Variants in GRHL1 observed in about 807,000 individuals in gnomAD.
The protein encoded by GRHL1 is grainyhead-like protein 1 homolog.
GRHL1 carries 38 observed loss-of-function variants against 75.7 expected under a neutral mutation model. The ratio of observed to expected loss-of-function variants is 0.50; its 90% CI spans 0.39 to 0.66. The LOEUF (loss-of-function observed/expected upper bound fraction) is 0.66. Ranked by LOEUF, GRHL1 falls within the 30% of genes least tolerant of loss-of-function variation. The pLI, the probability that GRHL1 is intolerant of heterozygous loss-of-function variation, is 0.00. For missense variants in GRHL1, 589 were observed against 767.5 expected, an observed-to-expected ratio of 0.77 and a Z score of 2.75; for synonymous variants, 266 against 279.4, an observed-to-expected ratio of 0.95 and a Z score of 0.48.
Position 9,951,720 on chromosome 2 carries a change from CG to C in GRHL1, c.-110del. On this transcript the variant is annotated 5_prime_UTR_variant, in exon 1 of 16. Coordinates refer to ENST00000324907, the MANE Select transcript of GRHL1 (RefSeq NM_198182.3). The surrounding 1 kb of genome is among the most constrained non-coding windows in gnomAD (Gnocchi z 4.2). Reference sequence around the variant, plus strand: ...AGCGAGAAAAGCAAACCCAACCCGTCGGGGCCGCCGCTCCGGACCCGCAGCC... The same window carrying C: ...AGCGAGAAAAGCAAACCCAACCCGTCGGGCCGCCGCTCCGGACCCGCAGCC... The C allele has an allele frequency of 1.0e-6, 1 of 995,508 alleles. No individual in the cohort carries two copies. Among genetic ancestry groups the C allele is most frequent in the Admixed American group, 2.7e-5 (1 of 37,512 alleles). The allele number at this position is 995,508 out of a possible 1,614,324, so 61.7% of individuals were successfully genotyped here.
chr2:9,954,760 T>TA (rs1188975337), intron 1 of GRHL1, 155 bp from the exon 2 acceptor site: 11 of 707,588 alleles, frequency 1.6e-5, no homozygotes, highest in Non-Finnish European at 2.3e-5. Context: ...GGTCTGCACT[T>TA]ACGTGGTTTG....
chr2:9,978,189 A>G (rs114497615), intron 8 of GRHL1, among the ~76,000 whole-genome samples: 1,639 of 152,306 alleles, frequency 0.011, 31 homozygotes, highest in African/African-American at 0.037. Context: ...GCCAAACCAT[A>G]TCATCTGTCC....
In GRHL1 at chr2:9,952,516, CTT is replaced by C. The variant is rs147733489; in HGVS notation, c.20+665_20+666del. Among the ~76,000 whole-genome samples, 1,059 of 152,256 alleles carry C rather than the reference CTT, an allele frequency of 7.0e-3. 12 individuals carry two copies. The highest frequency in any genetic ancestry group is 0.024 in the African/African-American group (1,008 of 41,542). On this transcript the variant is annotated intron_variant, in intron 1 of 15. Transcript: ENST00000324907. ...GCTCGAGAGAATCAAGAGGATGAAA[CTT>C]TGAAATCCGGGTGTTAAACGAGAAA...
intron 12 of GRHL1, among the ~76,000 whole-genome samples, chr2:9,993,982 G>T (rs1668750342): frequency 6.6e-6 from 1 of 152,108 alleles, no homozygotes; most frequent in Non-Finnish European, 1.5e-5. Flanking sequence ...CATTTACTTT[G>T]ATGCTCAGGT....
At position 9,968,376 on chromosome 2, in the gene GRHL1, G is replaced by GC. The variant is rs1337694552; in HGVS notation, c.1110+2998dup. 1.3e-5 allele frequency among the ~76,000 whole-genome samples: 2 copies of GC among 152,194 alleles called. No homozygotes were observed. The highest frequency in any genetic ancestry group is 2.9e-5 in the Non-Finnish European group (2 of 68,034). On this transcript the variant is annotated intron_variant, in intron 8 of 15. Transcript: ENST00000324907. The surrounding 1 kb of genome is among the most constrained non-coding windows in gnomAD (Gnocchi z 4.7). ...AAAAGCAGAAATGTCTCAGAAACAG[G>GC]CCCTTAGTGGGATTTGTCTGCTGTG...
At chr2:9,957,773 A>G (rs1667097482) in intron 2 of GRHL1, among the ~76,000 whole-genome samples, 1 of 152,204 alleles carries the variant, frequency 6.6e-6, no homozygotes, top group Non-Finnish European at 1.5e-5. Context: ...GCTGAAAGCC[A>G]TTTTTAAGCA....
At chr2:9,991,631 AT>A (rs1241743393) in intron 10 of GRHL1, among the ~76,000 whole-genome samples, 1 of 152,222 alleles carries the variant, frequency 6.6e-6, no homozygotes, top group Non-Finnish European at 1.5e-5. Context: ...TGGAATGTAA[AT>A]TATTTAATGA....
rs1005648540 is a variant in GRHL1 at position 10,000,784 on chromosome 2, C to T, written c.*77C>T. 1.2e-5 allele frequency: 9 copies of T among 778,812 alleles called. No individual in the cohort carries two copies. The highest frequency in any genetic ancestry group is 5.1e-5 in the African/African-American group (3 of 58,432). 48.2% of individuals were successfully genotyped at this position (778,812 alleles called of 1,614,324 possible). The stretch of plus-strand genomic sequence containing the variant: ...TTACGGTTTGGCAACTGCAGGTAAC[C>T]CCAGTCAGCCATGTCGCCAGCACAG... On this transcript the variant is annotated 3_prime_UTR_variant, in exon 16 of 16. Coordinates refer to ENST00000324907, the MANE Select transcript of GRHL1 (RefSeq NM_198182.3).
Position 9,998,995 on chromosome 2 carries a change from A to G in GRHL1, c.1708A>G (p.Lys570Glu), listed in dbSNP as rs1264729012. 3 of 1,580,402 alleles carry G rather than the reference A, an allele frequency of 1.9e-6. No individual in the cohort carries two copies. The highest frequency in any genetic ancestry group is 2.6e-6 in the Non-Finnish European group (3 of 1,159,716). Residue 570 changes from lysine (K) to glutamate (E), a missense_variant, in exon 15 of 16, where the codon AAG becomes GAG. Around this residue, in one of 5 missense-constraint regions of GRHL1, gnomAD observed 192 missense variants for 226.6 expected, o/e 0.85. Coordinates refer to ENST00000324907, the MANE Select transcript of GRHL1 (RefSeq NM_198182.3). ...AGACAAATACGATGTTCCCCATGAC[A>G]AGATTGGGAAAATATTCAAGAAGTG... Reference protein sequence around the residue: ...ISDKYDVPHDKIGKIFKKCKK... With the variant: ...ISDKYDVPHDEIGKIFKKCKK...
chr2:9,969,001 C>G (rs557523275), intron 8 of GRHL1, among the ~76,000 whole-genome samples: 2 of 152,288 alleles, frequency 1.3e-5, no homozygotes, highest in East Asian at 3.9e-4. Context: ...TTTGGGAACG[C>G]AATTTATAAA....
chr2:9,973,523 C>T (rs1353060154), intron 8 of GRHL1, among the ~76,000 whole-genome samples: 1 of 152,242 alleles, frequency 6.6e-6, no homozygotes, highest in Non-Finnish European at 1.5e-5. Context: ...TCCCACTCTA[C>T]TGACTTCAGT....
Position 9,951,827 on chromosome 2 carries a change from G to A in GRHL1, c.-7G>A, listed in dbSNP as rs1666783539. 2.0e-6 allele frequency: 3 copies of A among 1,526,814 alleles called. No homozygotes were observed. Among genetic ancestry groups the A allele is most frequent in the Non-Finnish European group, 2.6e-6 (3 of 1,135,768 alleles). The allele number at this position is 1,526,814 out of a possible 1,614,324, so 94.6% of individuals were successfully genotyped here. ...GTTCTGCGGCCCGGCAGCGGCGAGC[G>A]GGCGCGATGACACAGGAGTACGACA... On this transcript the variant is annotated 5_prime_UTR_variant, in exon 1 of 16. Transcript: ENST00000324907. This position sits in a 1 kb window ranked among gnomAD's most constrained non-coding sequence, Gnocchi z 4.2.
intron 12 of GRHL1, chr2:9,995,214 G>T (rs894338232): frequency 2.0e-5 from 3 of 152,216 alleles, no homozygotes; most frequent in Admixed American, 1.3e-4. Context: ...CACTTCCTCA[G>T]TGTTTTGAAA....
At position 9,982,459 on chromosome 2, in the gene GRHL1, G is replaced by A. The variant is rs1401696827; in HGVS notation, c.1111-3665G>A. Among the ~76,000 whole-genome samples, 3 of 152,322 alleles carry A rather than the reference G, an allele frequency of 2.0e-5. No individual in the cohort carries two copies. In the East Asian group the frequency reaches 5.8e-4, roughly 29 times the overall value. On this transcript the variant is annotated intron_variant, in intron 8 of 15. Coordinates refer to ENST00000324907, the MANE Select transcript of GRHL1 (RefSeq NM_198182.3). Reference sequence around the variant, plus strand: ...AGGACAATGAAATCAGAATCTCTGGGGTGTAGCCAGGACATCTGACATCCG... The same window carrying A: ...AGGACAATGAAATCAGAATCTCTGGAGTGTAGCCAGGACATCTGACATCCG...
intron 15 of GRHL1, 131 bp downstream of exon 15, chr2:9,999,160 TCCTGTGCCAGTGACACACAC>T (rs1669157650): frequency 8.8e-6 from 3 of 341,686 alleles, no homozygotes; most frequent in South Asian, 1.3e-4. Flanking sequence ...AGTGACACCC[TCCTGTGCCAGTGACACACAC>T]CCTGTGCCAG....
chr2:9,964,062 C>G lies in GRHL1; in HGVS notation c.903+20C>G. 1 of 1,606,730 alleles carries G rather than the reference C, an allele frequency of 6.2e-7. No individual in the cohort carries two copies. Among genetic ancestry groups the G allele is most frequent in the Non-Finnish European group, 8.5e-7 (1 of 1,174,596 alleles). On this transcript the variant is annotated intron_variant, in intron 6 of 15. Transcript: ENST00000324907. The stretch of plus-strand genomic sequence containing the variant: ...GTTCGAGTAAGTTCTGCTCTTAGTC[C>G]TGTTCTCTAGGAAAGCTAGTCAGAG...
chr2:9,996,127 A>G (rs934514147), intron 13 of GRHL1, among the ~76,000 whole-genome samples, 157 bp downstream of exon 13: 3 of 152,238 alleles, frequency 2.0e-5, no homozygotes, highest in African/African-American at 7.2e-5. Context: ...ACTTAGAGCA[A>G]AGTTCAGAGA....
intron 12 of GRHL1, 44 bp from the exon 13 acceptor site, chr2:9,995,835 C>A: frequency 9.2e-7 from 1 of 1,082,000 alleles, no homozygotes; most frequent in Non-Finnish European, 1.4e-6. Flanking sequence ...GTTGATGCAG[C>A]TGGTTAAGTT....
intron 12 of GRHL1, 59 bp downstream of exon 12, chr2:9,993,303 G>A: frequency 7.2e-7 from 1 of 1,392,704 alleles, no homozygotes; most frequent in Non-Finnish European, 1.0e-6. Flanking sequence ...CAAACTTGTA[G>A]AAAAACTGCA....
Sources: allele counts gnomAD v4.1 joint callset (sites outside exome capture counted in the v4.1 genomes callset), GRCh38; gene constraint gnomAD v4.1.1; regional missense constraint gnomAD v4.1.1; non-coding constraint Gnocchi (gnomAD v3.1); transcripts MANE v1.5; gene names NCBI Gene and HGNC (gene_info 2026-07-23, HGNC 2026-07-21).